IL34: variants seen among roughly 807,000 people sequenced by gnomAD.
IL34 encodes the protein interleukin-34.
In IL34, 17 loss-of-function variants were observed where a neutral mutation model predicts 25.3. The ratio of observed to expected loss-of-function variants is 0.67; its 90% CI spans 0.46 to 1.01. The LOEUF (loss-of-function observed/expected upper bound fraction) is 1.01, where lower values mean the gene tolerates loss of function less well. Among genes scored for constraint, IL34 ranks in the 50% least tolerant of loss-of-function variants. The pLI is 0.00. For synonymous variants in IL34, 174 were observed against 140.9 expected (o/e 1.23, Z -1.66); for missense variants, 368 against 312.9 (o/e 1.18, Z -1.33).
chr16:70,641,346 T>A (rs1723051166), intron 1 of IL34, among the ~76,000 whole-genome samples: 1 of 152,158 alleles, frequency 6.6e-6, no homozygotes, highest in South Asian at 2.1e-4. Context: ...TTATTCATAA[T>A]GGCCAAAAGG....
intron 1 of IL34, among the ~76,000 whole-genome samples, chr16:70,625,460 G>C (rs1195209879): frequency 6.6e-6 from 1 of 152,122 alleles, no homozygotes; most frequent in Non-Finnish European, 1.5e-5. Context: ...AGGAGAAGGG[G>C]TTGAGGGGTA....
intron 1 of IL34, among the ~76,000 whole-genome samples, chr16:70,593,848 A>G (rs2050784384): frequency 6.6e-6 from 1 of 152,142 alleles, no homozygotes; most frequent in Non-Finnish European, 1.5e-5. Flanking sequence ...TTTTTCTTGC[A>G]GGTGGATGAT....
At chr16:70,625,000 A>G (rs887663894) in intron 1 of IL34, among the ~76,000 whole-genome samples, 16 of 152,240 alleles carry the variant, frequency 1.1e-4, no homozygotes, top group South Asian at 2.1e-4. Context: ...ATGCCTGGAC[A>G]TCAGGCACCT....
At chr16:70,654,497 A>G (rs777818232) in intron 1 of IL34, 41 bp from the exon 2 acceptor site, 2 of 1,564,244 alleles carry the variant, frequency 1.3e-6, no homozygotes, top group East Asian at 4.6e-5. Flanking sequence ...CGTGGATGAG[A>G]TGGAGGGTGC....
intron 1 of IL34, 93 bp downstream of exon 1, chr16:70,647,068 T>C (rs2051953267): frequency 2.6e-6 from 3 of 1,160,646 alleles, no homozygotes; most frequent in East Asian, 6.4e-5. Context: ...GCATTCTTGC[T>C]GGTGAGAAGT....
rs577478701 is a variant in IL34 at position 70,633,812 on chromosome 16, C to T, written c.-400-12736C>T. On this transcript the variant is annotated intron_variant, in intron 1 of 6. Transcript: ENST00000429149. ...GGTGCTGTGTGGCCTGTGGACCTCA[C>T]TGCAGTTTCTCAATCATCACGTGGT... is the stretch of plus-strand genomic sequence containing the variant. 1.7e-4 allele frequency among the ~76,000 whole-genome samples: 26 copies of T among 152,110 alleles called. 1 individual carries two copies. In the South Asian group the frequency reaches 2.1e-3, roughly 12 times the overall value.
chr16:70,593,849 G>T (rs1006650870), intron 1 of IL34, among the ~76,000 whole-genome samples: 1 of 152,078 alleles, frequency 6.6e-6, no homozygotes, highest in Non-Finnish European at 1.5e-5. Flanking sequence ...TTTTCTTGCA[G>T]GTGGATGATC....
upstream of IL34, among the ~76,000 whole-genome samples, chr16:70,642,258 AAGACAG>A (rs1016023637): frequency 6.7e-6 from 1 of 149,000 alleles, no homozygotes; most frequent in Admixed American, 6.6e-5. Flanking sequence ...GAGAGAGACA[AAGACAG>A]AGACAGAGAG....
At chr16:70,629,050 T>G (rs1158401553) in intron 1 of IL34, among the ~76,000 whole-genome samples, 1 of 152,188 alleles carries the variant, frequency 6.6e-6, no homozygotes, top group Non-Finnish European at 1.5e-5. Context: ...GCACTGAGAT[T>G]ATAGGCATGA....
chr16:70,648,785 G>T (rs761749175), intron 1 of IL34, among the ~76,000 whole-genome samples: 1 of 152,040 alleles, frequency 6.6e-6, no homozygotes, highest in South Asian at 2.1e-4. Context: ...AGAGCAACAG[G>T]AATGTGTCGT....
At chr16:70,657,255 G>T in intron 4 of IL34, 134 bp downstream of exon 4, 1 of 900,230 alleles carries the variant, frequency 1.1e-6, no homozygotes, top group South Asian at 1.7e-5. Flanking sequence ...GAGGGACGTG[G>T]GAGAAGTGGG....
intron 1 of IL34, among the ~76,000 whole-genome samples, chr16:70,651,340 G>T (rs554094627): frequency 1.3e-5 from 2 of 152,290 alleles, no homozygotes; most frequent in East Asian, 3.9e-4. Context: ...CAGAAAGTAA[G>T]CAGATGTTAA....
intron 1 of IL34, among the ~76,000 whole-genome samples, chr16:70,609,492 C>T (rs1456045375): frequency 6.6e-6 from 1 of 152,060 alleles, no homozygotes; most frequent in Non-Finnish European, 1.5e-5. Flanking sequence ...GATGATGACA[C>T]CCGGAGGTGT....
chr16:70,622,659 C>T (rs1207143638), intron 1 of IL34, among the ~76,000 whole-genome samples: 2 of 151,824 alleles, frequency 1.3e-5, no homozygotes, highest in African/African-American at 4.8e-5. Flanking sequence ...GGTGTGGTAT[C>T]AGGAATAATG....
intron 1 of IL34, among the ~76,000 whole-genome samples, chr16:70,651,183 G>C (rs147347594): frequency 0.015 from 2,246 of 152,214 alleles, 21 homozygotes; most frequent in Non-Finnish European, 0.021. Flanking sequence ...CGTGGTGATG[G>C]GGGGGAGAGA....
chr16:70,631,648 TAAAAA>T (rs1361013810), intron 1 of IL34, among the ~76,000 whole-genome samples: 1 of 151,970 alleles, frequency 6.6e-6, no homozygotes, highest in Non-Finnish European at 1.5e-5. Flanking sequence ...AGTGGAAAAA[TAAAAA>T]AGTTAAAATA....
At chr16:70,654,510 A>G in intron 1 of IL34, 28 bp from the exon 2 acceptor site, 1 of 1,587,128 alleles carries the variant, frequency 6.3e-7, no homozygotes, top group Non-Finnish European at 8.6e-7. Flanking sequence ...GAGGGTGCTC[A>G]TGTGCTCTTG....
intron 1 of IL34, among the ~76,000 whole-genome samples, chr16:70,628,264 G>A (rs2051439173): frequency 1.3e-5 from 2 of 152,238 alleles, no homozygotes; most frequent in Middle Eastern, 3.4e-3. Flanking sequence ...CAGAGAATTG[G>A]ACCTACTTAT....
intron 1 of IL34, among the ~76,000 whole-genome samples, chr16:70,627,750 T>A (rs1161609410): frequency 6.6e-6 from 1 of 152,194 alleles, no homozygotes. Context: ...GTTGCAGGTG[T>A]GAGCCAGTGT....
Sources: gnomAD v4.1 joint callset for allele counts (sites outside exome capture counted in the v4.1 genomes callset) on GRCh38, gnomAD v4.1.1 for gene constraint, MANE v1.5 for transcripts, NCBI Gene and HGNC (gene_info 2026-07-23, HGNC 2026-07-21) for gene names.